Variants in SCN2A observed in about 807,000 individuals in gnomAD.
The protein encoded by SCN2A is sodium voltage-gated channel alpha subunit 2.
Under a neutral mutation model 188.7 loss-of-function variants are expected in SCN2A, and 20 were observed. That is an observed-to-expected ratio of 0.11 (90% CI 0.07 to 0.15). The LOEUF is 0.15. SCN2A is among the 10% of genes least tolerant of loss of function. SCN2A has a pLI of 1.00. For missense variants in SCN2A, 1,278 were observed against 2,445.0 expected (o/e 0.52, Z 10.07); for synonymous variants, 804 against 833.1 (o/e 0.97, Z 0.60).
At chr2:165,301,908 A>G (rs1696830829) in intron 3 of SCN2A, among the ~76,000 whole-genome samples, 1 of 152,210 alleles carries the variant, frequency 6.6e-6, no homozygotes, top group Non-Finnish European at 1.5e-5. Context: ...TTCTAAGGCT[A>G]CATTTTCTAT....
chr2:165,388,407 A>G (rs1701981976), intron 26 of SCN2A, among the ~76,000 whole-genome samples: 1 of 152,158 alleles, frequency 6.6e-6, no homozygotes, highest in Admixed American at 6.6e-5. Context: ...TCCTTGAACT[A>G]GGAAAAATGG....
chr2:165,253,077 C>G (rs1694164081), intron 1 of SCN2A, among the ~76,000 whole-genome samples: 1 of 151,988 alleles, frequency 6.6e-6, no homozygotes, highest in South Asian at 2.1e-4. Flanking sequence ...TAAGTTTTGC[C>G]TGTGCTATAT....
intron 3 of SCN2A, among the ~76,000 whole-genome samples, chr2:165,307,594 C>A (rs905851007): frequency 6.6e-6 from 1 of 152,048 alleles, no homozygotes; most frequent in Non-Finnish European, 1.5e-5. Flanking sequence ...GAACTACTTT[C>A]TTTGCATTTA....
Position 165,325,489 on chromosome 2 carries a change from A to G in SCN2A, c.2017-1363A>G, listed in dbSNP as rs186026697. Among the ~76,000 whole-genome samples the G allele has an allele frequency of 1.4e-4, 21 of 152,264 alleles. No individual in the cohort carries two copies. The East Asian group carries it at 3.7e-3, about 27-fold the overall frequency. On this transcript the variant is annotated intron_variant, in intron 12 of 26. Transcript: ENST00000375437. Reference sequence around the variant, plus strand: ...CAAATGACACCCTTGAAAGCACATCATTTCCTGTACTTTACACATAAATTC... The same window carrying G: ...CAAATGACACCCTTGAAAGCACATCGTTTCCTGTACTTTACACATAAATTC...
Position 165,389,703 on chromosome 2 carries a change from C to T in SCN2A, c.5897C>T (p.Thr1966Met), listed in dbSNP as rs112098080. 1.2e-6 allele frequency: 2 copies of T among 1,613,824 alleles called. No individual in the cohort carries two copies. The highest frequency in any genetic ancestry group is 2.2e-5 in the East Asian group (1 of 44,850). The change falls in exon 27 of 27, where the codon ACG becomes ATG. Residue 1966 changes from threonine to methionine, a missense_variant. Thr to Met is a moderately conservative substitution (Grantham distance 81). Transcript: ENST00000375437. This position sits in a 1 kb window ranked among gnomAD's most constrained non-coding sequence, Gnocchi z 4.2. The part of the protein sequence containing the change: ...ENSTPEKTDM[T>M]PSTTSPPSYD... ...TCAACTCCAGAGAAAACCGATATGA[C>T]GCCTTCCACCACGTCTCCACCCTCG...
chr2:165,273,507 T>A (rs1233877680), intron 1 of SCN2A: 1 of 152,218 alleles, frequency 6.6e-6, no homozygotes, highest in Admixed American at 6.5e-5. Flanking sequence ...ATTCTAAATC[T>A]TAGTCATATC....
intron 1 of SCN2A, among the ~76,000 whole-genome samples, chr2:165,260,395 G>GT (rs1483275546): frequency 8.5e-5 from 13 of 152,120 alleles, no homozygotes; most frequent in African/African-American, 3.1e-4. Context: ...GAAAAGAATA[G>GT]TTTTTTTCTG....
intron 19 of SCN2A, among the ~76,000 whole-genome samples, chr2:165,369,570 GC>G (rs1177138908): frequency 6.6e-6 from 1 of 152,118 alleles, no homozygotes; most frequent in African/African-American, 2.4e-5. Flanking sequence ...CATTCTGGAA[GC>G]CTCAGGAGTT....
chr2:165,246,192 T>C (rs1693838751), intron 1 of SCN2A, among the ~76,000 whole-genome samples: 1 of 152,224 alleles, frequency 6.6e-6, no homozygotes, highest in African/African-American at 2.4e-5. Flanking sequence ...TTTAAGGAGT[T>C]TTCATGAATG....
At chr2:165,306,544 G>A (rs1450927566) in intron 3 of SCN2A, among the ~76,000 whole-genome samples, 2 of 99,244 alleles carry the variant, frequency 2.0e-5, no homozygotes, top group African/African-American at 6.6e-5. Context: ...GTGTGTGTGT[G>A]TGTGTGTGTT....
In SCN2A at chr2:165,365,166, T is replaced by C; in HGVS notation, c.3423T>C (p.Ser1141=). Residue 1141 remains serine, a synonymous_variant, in exon 18 of 27, where the codon TCT becomes TCC. Transcript: ENST00000375437. ...AGAAGCTAAATGCAACTAGTTCATCTGAAGGCAGCACGGTTGATATTGGAG... is the reference window on the plus strand; with the variant it reads ...AGAAGCTAAATGCAACTAGTTCATCCGAAGGCAGCACGGTTGATATTGGAG... The part of the protein sequence containing the change: ...SKEKLNATSS[S]EGSTVDIGAP... The C allele has an allele frequency of 1.2e-6, 2 of 1,613,760 alleles. No homozygotes were observed. Among genetic ancestry groups the C allele is most frequent in the Non-Finnish European group, 1.7e-6 (2 of 1,179,756 alleles).
chr2:165,299,034 A>G (rs1696655137), intron 3 of SCN2A, among the ~76,000 whole-genome samples: 1 of 152,190 alleles, frequency 6.6e-6, no homozygotes, highest in South Asian at 2.1e-4. Context: ...TTTGTTTTTT[A>G]CAAAAGCAGA....
intron 26 of SCN2A, among the ~76,000 whole-genome samples, chr2:165,388,167 C>A (rs529314927): frequency 1.1e-4 from 16 of 152,090 alleles, no homozygotes; most frequent in Admixed American, 4.6e-4. Context: ...CATCTGTCTC[C>A]AAAGCCTATG....
intron 6 of SCN2A, 152 bp downstream of exon 6, chr2:165,309,595 C>T (rs1237487766): frequency 3.0e-6 from 3 of 1,013,972 alleles, no homozygotes; most frequent in Non-Finnish European, 4.5e-6. Flanking sequence ...GGATTTGATT[C>T]TTTGCTTTTT....
At chr2:165,290,834 G>A (rs984848199) in intron 1 of SCN2A, 1 of 926,194 alleles carries the variant, frequency 1.1e-6, no homozygotes, top group African/African-American at 1.8e-5. Context: ...ACACATGGAA[G>A]ATATACCATA....
chr2:165,391,908 T>C lies in SCN2A; in HGVS notation c.*2084T>C, dbSNP rs1476218184. On this transcript the variant is annotated 3_prime_UTR_variant, in exon 27 of 27. Transcript: ENST00000375437. ...ATACTTTGTGTTTCACAAGCAACAA[T>C]AAATGTAGATTCTTTATACTGAAGC... The C allele has an allele frequency of 6.6e-6, 1 of 152,554 alleles. No individual in the cohort carries two copies. The highest frequency in any genetic ancestry group is 1.5e-5 in the Non-Finnish European group (1 of 67,970). The allele number at this position is 152,554 out of a possible 1,614,324, so 9.5% of individuals were successfully genotyped here.
At chr2:165,313,582 G>T in intron 8 of SCN2A, 38 bp from the exon 9 acceptor site, 3 of 1,611,894 alleles carry the variant, frequency 1.9e-6, no homozygotes, top group Non-Finnish European at 2.5e-6. Context: ...CAGACTTGCC[G>T]TTATTGACTT....
chr2:165,332,987 T>C (rs933690257), intron 14 of SCN2A, among the ~76,000 whole-genome samples: 3 of 152,004 alleles, frequency 2.0e-5, no homozygotes, highest in Non-Finnish European at 2.9e-5. Context: ...TCTACTAATG[T>C]AGCTCCATGT....
intron 25 of SCN2A, among the ~76,000 whole-genome samples, chr2:165,381,410 A>G (rs1574733139): frequency 6.6e-6 from 1 of 151,906 alleles, no homozygotes; most frequent in Non-Finnish European, 1.5e-5. Flanking sequence ...ATATGTAAAC[A>G]TATAAAATAC....
Sources: gnomAD v4.1 joint callset for allele counts (sites outside exome capture counted in the v4.1 genomes callset) on GRCh38, gnomAD v4.1.1 for gene constraint, Gnocchi (gnomAD v3.1) non-coding constraint, MANE v1.5 for transcripts, NCBI Gene and HGNC (gene_info 2026-07-23, HGNC 2026-07-21) for gene names.